ARRB1: variants seen among roughly 807,000 people sequenced by gnomAD.
ARRB1 encodes arrestin beta 1.
Under a neutral mutation model 56.8 loss-of-function variants are expected in ARRB1, and 21 were observed. That is an observed-to-expected ratio of 0.37 (90% CI 0.26 to 0.53). ARRB1 has a LOEUF of 0.53. ARRB1 is among the 20% of genes least tolerant of loss of function. ARRB1 has a pLI of 0.88. For missense variants in ARRB1, 424 were observed against 553.7 expected, an observed-to-expected ratio of 0.77 and a Z score of 2.35; for synonymous variants, 210 against 218.6, an observed-to-expected ratio of 0.96 and a Z score of 0.35.
chr11:75,275,307 C>T (rs1345207921), intron 10 of ARRB1, among the ~76,000 whole-genome samples: 3 of 151,614 alleles, frequency 2.0e-5, no homozygotes, highest in African/African-American at 4.8e-5. Context: ...CCACCATGCC[C>T]GACTAATTTT....
At position 75,292,190 on chromosome 11, in the gene ARRB1, A is replaced by G. The variant is rs572047567; in HGVS notation, c.21-2151T>C. ...AGTCTCGCTCTGTTGCCCAGGCTGG[A>G]GTGCAGTGGCGTGATCTCAGCTCAC... On this transcript the variant is annotated intron_variant, in intron 1 of 15. Transcript: ENST00000420843. Among the ~76,000 whole-genome samples the G allele has an allele frequency of 4.4e-3, 669 of 152,156 alleles. 12 individuals carry two copies. Among genetic ancestry groups the G allele is most frequent in the African/African-American group, 0.016 (656 of 41,500 alleles).
chr11:75,265,808 C>A lies in ARRB1; in HGVS notation c.*355G>T. On this transcript the variant is annotated 3_prime_UTR_variant, in exon 16 of 16. Transcript: ENST00000420843. ...GAGCCCTCATCCCCACCCCTCCAAG[C>A]CCTCATGCCCACCACACCGTGTCCC... 3.3e-6 allele frequency: 1 copy of A among 306,020 alleles called. No homozygotes were observed. The highest frequency in any genetic ancestry group is 7.8e-5 in the East Asian group (1 of 12,826). The allele number at this position is 306,020 out of a possible 1,614,324, so 19.0% of individuals were successfully genotyped here. A position where few individuals can be genotyped will look rare whatever the true frequency, so the allele number is the denominator to read the frequency against.
At chr11:75,308,682 T>C (rs1565131955) in intron 1 of ARRB1, among the ~76,000 whole-genome samples, 1 of 151,840 alleles carries the variant, frequency 6.6e-6, no homozygotes, top group East Asian at 1.9e-4. Context: ...GAGACGGAGG[T>C]TGCAGTGAGC....
intron 10 of ARRB1, among the ~76,000 whole-genome samples, chr11:75,276,065 T>A (rs973662214): frequency 4.6e-5 from 7 of 152,194 alleles, no homozygotes; most frequent in Non-Finnish European, 7.3e-5. Flanking sequence ...TATAGGACAT[T>A]AAAAACTATT....
intron 2 of ARRB1, among the ~76,000 whole-genome samples, chr11:75,288,607 C>A (rs1291721447): frequency 1.4e-5 from 2 of 141,478 alleles, no homozygotes; most frequent in Admixed American, 7.5e-5. Context: ...CCCTAAAATG[C>A]AAATCTTTCT....
rs373709606 is a variant in ARRB1 at position 75,346,821 on chromosome 11, A to G, written c.20+4767T>C. The stretch of plus-strand genomic sequence containing the variant: ...CCTCCCTATGCGATGTCATTCATCC[A>G]CATTTCCAAAGCCCTGCCTCGCACC... On this transcript the variant is annotated intron_variant, in intron 1 of 15. Coordinates refer to ENST00000420843, the MANE Select transcript of ARRB1 (RefSeq NM_004041.5). Among the ~76,000 whole-genome samples, 3 of 152,154 alleles carry G rather than the reference A, an allele frequency of 2.0e-5. No homozygotes were observed. The South Asian group carries it at 6.2e-4, about 32-fold the overall frequency.
intron 1 of ARRB1, among the ~76,000 whole-genome samples, chr11:75,320,466 G>A (rs181271060): frequency 1.4e-4 from 22 of 152,344 alleles, no homozygotes; most frequent in African/African-American, 4.3e-4. Context: ...CTCCAAGGGC[G>A]GGTGGCTGGA....
intron 1 of ARRB1, among the ~76,000 whole-genome samples, chr11:75,327,423 T>G (rs536527187): frequency 1.3e-5 from 2 of 151,964 alleles, no homozygotes; most frequent in East Asian, 3.9e-4. Context: ...TGTCTCAGCC[T>G]TCCAAAGTGC....
At chr11:75,312,041 C>G (rs1259171046) in intron 1 of ARRB1, 1 of 1,289,344 alleles carries the variant, frequency 7.8e-7, no homozygotes, top group Admixed American at 2.3e-5. Context: ...AGCCTCTTCC[C>G]CTCCTCTAAG....
At chr11:75,314,043 C>T (rs141083415) in intron 1 of ARRB1, among the ~76,000 whole-genome samples, 1 of 152,222 alleles carries the variant, frequency 6.6e-6, no homozygotes, top group Admixed American at 6.5e-5. Flanking sequence ...GCCTCCCTCC[C>T]ACCATGCTCC....
chr11:75,297,864 CAAAAAAAAAAAAA>C (rs34831668), intron 1 of ARRB1, among the ~76,000 whole-genome samples: 2 of 29,270 alleles, frequency 6.8e-5, no homozygotes, highest in Admixed American at 6.7e-4. Flanking sequence ...GACTTTGTCT[CAAAAAAAAAAAAA>C]AAAAAAAAAA....
chr11:75,291,312 C>A (rs779694695), intron 1 of ARRB1, among the ~76,000 whole-genome samples: 6 of 151,998 alleles, frequency 3.9e-5, no homozygotes, highest in Non-Finnish European at 7.4e-5. Flanking sequence ...CCAGCCTGGG[C>A]GACAGAGCAA....
chr11:75,267,208 G>C (rs779877204), intron 15 of ARRB1, among the ~76,000 whole-genome samples: 2 of 152,182 alleles, frequency 1.3e-5, no homozygotes, highest in African/African-American at 2.4e-5. Flanking sequence ...CCGGTGACTC[G>C]ATGGCCTTTG....
At chr11:75,304,718 C>A (rs574589058) in intron 1 of ARRB1, among the ~76,000 whole-genome samples, 131 of 151,568 alleles carry the variant, frequency 8.6e-4, no homozygotes, top group African/African-American at 2.9e-3. Context: ...ACATGTCAGT[C>A]CCCCCAAACC....
chr11:75,320,559 C>T (rs772253369), intron 1 of ARRB1, among the ~76,000 whole-genome samples: 4 of 152,134 alleles, frequency 2.6e-5, no homozygotes, highest in Non-Finnish European at 5.9e-5. Flanking sequence ...GTCATCAGGG[C>T]CTGCTCAGCT....
In ARRB1 at chr11:75,282,761, T is replaced by A. The variant is rs12273173; in HGVS notation, c.354+526A>T. On this transcript the variant is annotated intron_variant, in intron 5 of 15. Transcript: ENST00000420843. Reference sequence around the variant, plus strand: ...TGTCTACGTAGAAAAGGTGACTCCATGACCCTCTCCACTCTCTCAGCCTCC... The same window carrying A: ...TGTCTACGTAGAAAAGGTGACTCCAAGACCCTCTCCACTCTCTCAGCCTCC... Among the ~76,000 whole-genome samples, 855 of 152,334 alleles carry A rather than the reference T, an allele frequency of 5.6e-3. 6 individuals are homozygous for A. Among genetic ancestry groups the A allele is most frequent in the African/African-American group, 0.02 (826 of 41,570 alleles).
At chr11:75,312,251 GC>G (rs1450163758) in intron 1 of ARRB1, 1 of 908,192 alleles carries the variant, frequency 1.1e-6, no homozygotes, top group Non-Finnish European at 1.5e-6. Context: ...GAACAGGCCT[GC>G]CCCTGGGAAG....
intron 1 of ARRB1, among the ~76,000 whole-genome samples, chr11:75,332,797 A>G (rs543440667): frequency 2.8e-4 from 43 of 152,234 alleles, no homozygotes; most frequent in African/African-American, 9.4e-4. Context: ...CAGGAGGCTG[A>G]GGCAGGAGAA....
At chr11:75,277,011 G>A (rs1946215663) in intron 9 of ARRB1, 100 bp from the exon 10 acceptor site, 2 of 1,193,596 alleles carry the variant, frequency 1.7e-6, no homozygotes, top group Admixed American at 3.6e-5. Context: ...CCCAGGCAAT[G>A]GCCAGAGGCC....
Sources: allele counts gnomAD v4.1 joint callset (sites outside exome capture counted in the v4.1 genomes callset), GRCh38; gene constraint gnomAD v4.1.1; transcripts MANE v1.5; gene names NCBI Gene and HGNC (gene_info 2026-07-23, HGNC 2026-07-21).